Variants in PCDH11X observed in about 807,000 individuals in gnomAD.
PCDH11X encodes the protein protocadherin-11 X-linked.
PCDH11X carries 18 observed loss-of-function variants against 53.3 expected under a neutral mutation model. That is an observed-to-expected ratio of 0.34 (90% CI 0.23 to 0.50). PCDH11X has a LOEUF of 0.50. Among genes scored for constraint, PCDH11X ranks in the 20% least tolerant of loss-of-function variants. PCDH11X has a pLI of 0.98. For synonymous variants in PCDH11X, 279 were observed against 393.3 expected, an observed-to-expected ratio of 0.71 and a Z score of 3.44; for missense variants, 570 against 1,032.4, an observed-to-expected ratio of 0.55 and a Z score of 6.14.
At chrX:91,946,472 T>G (rs1305739783) in intron 6 of PCDH11X, among the ~76,000 whole-genome samples, 1 of 97,427 alleles carries the variant, frequency 1.0e-5, no homozygotes, top group Non-Finnish European at 2.1e-5. Context: ...GTATTGTAAA[T>G]GACCATAAAA....
intron 10 of PCDH11X, among the ~76,000 whole-genome samples, chrX:92,552,987 C>A (rs924423765): frequency 1.5e-5 from 1 of 67,587 alleles, no homozygotes; most frequent in Non-Finnish European, 3.1e-5. Context: ...TATTGTCCTG[C>A]AATTTTCGTG....
chrX:92,448,505 C>T (rs1349979172), intron 9 of PCDH11X, among the ~76,000 whole-genome samples: 1 of 89,520 alleles, frequency 1.1e-5, no homozygotes, highest in East Asian at 3.5e-4. Context: ...GTGACTTGCT[C>T]GTCCTTGCTT....
intron 10 of PCDH11X, among the ~76,000 whole-genome samples, chrX:92,561,820 G>A (rs1407576732): frequency 9.5e-6 from 1 of 105,723 alleles, no homozygotes; most frequent in Non-Finnish European, 1.9e-5. Flanking sequence ...AGAGCACCAG[G>A]CAGATTTAAC....
At chrX:92,064,907 G>A (rs1335430492) in intron 6 of PCDH11X, among the ~76,000 whole-genome samples, 4 of 102,653 alleles carry the variant, frequency 3.9e-5, no homozygotes, top group Non-Finnish European at 7.7e-5. Context: ...AGGGCTTTCA[G>A]AGGAAAGCAT....
chrX:92,364,170 G>A (rs1191759746), intron 8 of PCDH11X, among the ~76,000 whole-genome samples: 1 of 111,744 alleles, frequency 8.9e-6, no homozygotes, highest in Non-Finnish European at 1.9e-5. Flanking sequence ...TAATAGTCAT[G>A]TGCTACTTAA....
At chrX:92,368,565 GAGA>G (rs1215617272) in intron 8 of PCDH11X, among the ~76,000 whole-genome samples, 34 of 111,557 alleles carry the variant, frequency 3.0e-4, no homozygotes, top group Middle Eastern at 9.2e-3. Context: ...TCATTTGGAG[GAGA>G]AGAAGCATTC....
At chrX:92,103,144 G>A (rs2064297835) in intron 6 of PCDH11X, among the ~76,000 whole-genome samples, 1 of 110,598 alleles carries the variant, frequency 9.0e-6, no homozygotes, top group Non-Finnish European at 1.9e-5. Context: ...TTGGGGAGAA[G>A]GGCGGCAATG....
rs957350199 is a variant in PCDH11X at position 92,013,971 on chromosome X, G to A, written c.3033+134698G>A. 4.5e-5 allele frequency among the ~76,000 whole-genome samples: 5 copies of A among 111,569 alleles called. No homozygotes were observed. In the Admixed American group the frequency reaches 4.8e-4, roughly 11 times the overall value. The stretch of plus-strand genomic sequence containing the variant: ...GCAATACCATTCAGGACATAGGCAT[G>A]GGCAAGGACTTCATGTCTAAAACAC... On this transcript the variant is annotated intron_variant, in intron 6 of 10. Transcript: ENST00000682573.
Position 91,879,168 on chromosome X carries a change from C to T in PCDH11X, c.2928C>T (p.Asp976=). ...LPLDNTFVAC[D]SISKCSSSSS... is the part of the protein sequence containing the mutation. Reference sequence around the variant, plus strand: ...TCGATAACACCTTTGTGGCCTGTGACTCTATCTCCAAGTGTTCCTCAAGCA... The same window carrying T: ...TCGATAACACCTTTGTGGCCTGTGATTCTATCTCCAAGTGTTCCTCAAGCA... Residue 976 remains aspartate (D), a synonymous_variant, in exon 6 of 11, where the codon GAC becomes GAT. Coordinates refer to ENST00000682573, the MANE Select transcript of PCDH11X (RefSeq NM_032968.5). The T allele has an allele frequency of 1.7e-6, 2 of 1,211,678 alleles. No homozygotes were observed. Among genetic ancestry groups the T allele is most frequent in the East Asian group, 5.9e-5 (2 of 33,824 alleles).
chrX:92,273,482 A>T (rs1039536637), intron 8 of PCDH11X, among the ~76,000 whole-genome samples: 1 of 110,914 alleles, frequency 9.0e-6, no homozygotes, highest in Non-Finnish European at 1.9e-5. Context: ...GTCACAGGGG[A>T]TGTGATGGCT....
intron 10 of PCDH11X, among the ~76,000 whole-genome samples, chrX:92,553,940 A>C (rs2075004445): frequency 9.0e-6 from 1 of 111,545 alleles, no homozygotes; most frequent in South Asian, 3.7e-4. Flanking sequence ...TAAATTCAGC[A>C]TCTCATTCTC....
chrX:91,950,822 G>A (rs370326342), intron 6 of PCDH11X, among the ~76,000 whole-genome samples: 7 of 109,703 alleles, frequency 6.4e-5, no homozygotes, highest in East Asian at 2.9e-4. Context: ...ATGTAGAAAA[G>A]TGGCTGAAAT....
chrX:92,298,823 G>A (rs2148466883), intron 8 of PCDH11X, among the ~76,000 whole-genome samples: 1 of 111,484 alleles, frequency 9.0e-6, no homozygotes, highest in South Asian at 3.8e-4. Context: ...ACCAGTTACA[G>A]GGACAAGGCC....
At chrX:92,378,303 A>C (rs969755529) in intron 8 of PCDH11X, among the ~76,000 whole-genome samples, 1 of 109,005 alleles carries the variant, frequency 9.2e-6, no homozygotes, top group South Asian at 3.9e-4. Flanking sequence ...GATTAAATAT[A>C]ATATTGTGGC....
chrX:92,280,885 C>A (rs1037408799), intron 8 of PCDH11X, among the ~76,000 whole-genome samples: 1 of 110,320 alleles, frequency 9.1e-6, no homozygotes, highest in Non-Finnish European at 1.9e-5. Context: ...AATATCAATA[C>A]CAAAATAAAT....
intron 10 of PCDH11X, among the ~76,000 whole-genome samples, chrX:92,545,348 G>A (rs1421039110): frequency 2.0e-5 from 2 of 102,385 alleles, no homozygotes; most frequent in Non-Finnish European, 3.9e-5. Flanking sequence ...AGTGGTTAAA[G>A]TCTCGTTTTT....
At chrX:92,256,471 G>T in intron 7 of PCDH11X, among the ~76,000 whole-genome samples, 3 of 110,830 alleles carry the variant, frequency 2.7e-5, no homozygotes. Context: ...TCCTCCCTCC[G>T]GTTTGTGTAC....
At chrX:92,553,571 A>C (rs2074998525) in intron 10 of PCDH11X, among the ~76,000 whole-genome samples, 1 of 108,418 alleles carries the variant, frequency 9.2e-6, no homozygotes, top group Non-Finnish European at 1.9e-5. Flanking sequence ...AATTTTATTT[A>C]TTTCTATTCT....
intron 8 of PCDH11X, among the ~76,000 whole-genome samples, chrX:92,338,818 C>A (rs1211073951): frequency 8.9e-6 from 1 of 111,845 alleles, no homozygotes; most frequent in African/African-American, 3.3e-5. Flanking sequence ...AAAGTATATA[C>A]CTTGCTTCTT....
Sources: allele counts gnomAD v4.1 joint callset (sites outside exome capture counted in the v4.1 genomes callset), GRCh38; gene constraint gnomAD v4.1.1; transcripts MANE v1.5; gene names NCBI Gene and HGNC (gene_info 2026-07-23, HGNC 2026-07-21).